CDC27: variants seen among roughly 807,000 people sequenced by gnomAD.
CDC27 encodes the protein cell division cycle protein 27 homolog.
A neutral mutation model predicts 109.7 loss-of-function variants in CDC27; 27 were observed. The ratio of observed to expected loss-of-function variants is 0.25; its 90% CI spans 0.18 to 0.34. The LOEUF is 0.34. Among genes scored for constraint, CDC27 ranks in the 10% least tolerant of loss-of-function variants. The pLI, the probability that CDC27 is intolerant of heterozygous loss-of-function variation, is 1.00. For missense variants in CDC27, 579 were observed against 960.2 expected (o/e 0.60, Z 5.25); for synonymous variants, 266 against 333.9 (o/e 0.80, Z 2.22).
intron 9 of CDC27, among the ~76,000 whole-genome samples, chr17:47,148,663 G>A (rs1348185943): frequency 1.3e-5 from 2 of 152,092 alleles, no homozygotes; most frequent in African/African-American, 4.8e-5. Context: ...ACAAAACCTT[G>A]AAACAGAGAA....
At chr17:47,148,557 A>G (rs947785863) in intron 9 of CDC27, among the ~76,000 whole-genome samples, 1 of 152,176 alleles carries the variant, frequency 6.6e-6, no homozygotes, top group Non-Finnish European at 1.5e-5. Context: ...CTATAAACCC[A>G]CAGATCCAAG....
intron 9 of CDC27, among the ~76,000 whole-genome samples, chr17:47,144,438 A>G (rs2062892491): frequency 6.6e-6 from 1 of 152,226 alleles, no homozygotes; most frequent in South Asian, 2.1e-4. Context: ...TTGCAACTAC[A>G]ACAAGTTAGA....
At chr17:47,151,985 C>A in intron 8 of CDC27, 67 bp from the exon 9 acceptor site, 2 of 1,435,628 alleles carry the variant, frequency 1.4e-6, no homozygotes, top group Non-Finnish European at 1.9e-6. Context: ...AAAGACAACA[C>A]AACGCTCCCA....
chr17:47,132,971 G>A (rs2062399852), intron 14 of CDC27, among the ~76,000 whole-genome samples: 1 of 109,066 alleles, frequency 9.2e-6, no homozygotes, highest in African/African-American at 3.6e-5. Flanking sequence ...ATGGGGTTTT[G>A]CCATGTTGCC....
At chr17:47,159,842 AG>A in intron 4 of CDC27, 1 of 468,018 alleles carries the variant, frequency 2.1e-6, no homozygotes, top group East Asian at 5.9e-5. Flanking sequence ...GATCTCCTCC[AG>A]GGACTTGATC....
chr17:47,142,541 A>C, intron 10 of CDC27, 105 bp from the exon 11 acceptor site: 1 of 520,730 alleles, frequency 1.9e-6, no homozygotes, highest in Non-Finnish European at 3.4e-6. Context: ...AATCTTGATT[A>C]ATTCTATATT....
chr17:47,175,636 C>T (rs1186230310), intron 2 of CDC27, among the ~76,000 whole-genome samples: 3 of 151,998 alleles, frequency 2.0e-5, no homozygotes, highest in Non-Finnish European at 4.4e-5. Context: ...GCCAACATGG[C>T]GAAACCCCAT....
intron 1 of CDC27, among the ~76,000 whole-genome samples, chr17:47,188,264 C>G (rs2064525088): frequency 1.3e-5 from 2 of 152,082 alleles, no homozygotes; most frequent in South Asian, 4.2e-4. Context: ...CAGACCTGGT[C>G]CATTACCAAG....
chr17:47,166,205 A>T (rs2063641362), intron 4 of CDC27, among the ~76,000 whole-genome samples: 1 of 152,172 alleles, frequency 6.6e-6, no homozygotes, highest in African/African-American at 2.4e-5. Context: ...TCATGAGTAG[A>T]GGAGTATTTC....
At chr17:47,138,550 C>T (rs2062693215) in intron 13 of CDC27, among the ~76,000 whole-genome samples, 189 bp downstream of exon 13, 1 of 152,106 alleles carries the variant, frequency 6.6e-6, no homozygotes, top group South Asian at 2.1e-4. Context: ...TGTGATTTTT[C>T]TATTTGTGAA....
At chr17:47,174,032 T>C (rs1322628268) in intron 2 of CDC27, among the ~76,000 whole-genome samples, 3 of 152,260 alleles carry the variant, frequency 2.0e-5, no homozygotes, top group Non-Finnish European at 2.9e-5. Context: ...AGGCAGAGAC[T>C]GCAGTGAGCC....
chr17:47,173,512 T>C (rs766631334), intron 2 of CDC27, among the ~76,000 whole-genome samples: 2 of 152,336 alleles, frequency 1.3e-5, no homozygotes, highest in African/African-American at 4.8e-5. Flanking sequence ...TTTCACCTTA[T>C]AAGTTTTTAA....
At chr17:47,135,164 C>T (rs35845296) in intron 14 of CDC27, among the ~76,000 whole-genome samples, 1,763 of 152,118 alleles carry the variant, frequency 0.012, 36 homozygotes, top group African/African-American at 0.04. Context: ...CAATGCTATT[C>T]CCACATTTCT....
At chr17:47,126,724 T>C (rs1402375624) in intron 16 of CDC27, among the ~76,000 whole-genome samples, 2 of 152,208 alleles carry the variant, frequency 1.3e-5, no homozygotes, top group African/African-American at 4.8e-5. Context: ...CAAATACTGA[T>C]TTGCAATTAT....
chr17:47,189,131 G>A lies in CDC27; in HGVS notation c.27+15C>T, dbSNP rs1343057097. 1.2e-6 allele frequency: 2 copies of A among 1,612,812 alleles called. No individual in the cohort carries two copies. Among genetic ancestry groups the A allele is most frequent in the South Asian group, 1.1e-5 (1 of 91,062 alleles). On this transcript the variant is annotated intron_variant, in intron 1 of 18. Coordinates refer to ENST00000066544, the MANE Select transcript of CDC27 (RefSeq NM_001256.6). ...AGGCTGCCAGCCAAGCCCCAGAGAA[G>A]AAGGTTATCATTACCTGGACGGGTT...
At chr17:47,164,219 G>A (rs1044845246) in intron 4 of CDC27, among the ~76,000 whole-genome samples, 2 of 152,072 alleles carry the variant, frequency 1.3e-5, no homozygotes, top group African/African-American at 2.4e-5. Context: ...ATATAGCCTA[G>A]GTGTGTAGTA....
At position 47,147,082 on chromosome 17, in the gene CDC27, T is replaced by C. The variant is rs1216008786; in HGVS notation, c.1071-3100A>G. On this transcript the variant is annotated intron_variant, in intron 9 of 18. Transcript: ENST00000066544. Reference sequence around the variant, plus strand: ...CCTGTCTCAAAGAAAAAAAGTAAAATTTATAATAACTGACATCCAATTAAA... The same window carrying C: ...CCTGTCTCAAAGAAAAAAAGTAAAACTTATAATAACTGACATCCAATTAAA... Among the ~76,000 whole-genome samples the C allele has an allele frequency of 4.0e-5, 6 of 151,826 alleles. No individual in the cohort carries two copies. The East Asian group carries it at 1.2e-3, about 29-fold the overall frequency.
At chr17:47,176,753 T>G (rs755934908) in intron 2 of CDC27, among the ~76,000 whole-genome samples, 2 of 152,170 alleles carry the variant, frequency 1.3e-5, no homozygotes, top group African/African-American at 4.8e-5. Context: ...TAGGTTAGAT[T>G]TGAATATATT....
rs1182718984 is a variant in CDC27, at chr17:47,118,320, A to G, written c.*2615T>C. 6.6e-6 allele frequency: 1 copy of G among 152,474 alleles called. No individual in the cohort carries two copies. The highest frequency in any genetic ancestry group is 1.5e-5 in the Non-Finnish European group (1 of 68,022). 9.4% of individuals were successfully genotyped at this position (152,474 alleles called of 1,614,324 possible). Reference sequence around the variant, plus strand: ...AGTTCTCGGAAAAATTAAAAATTTTAAGTGATGAATACAGAAAATGTAGGG... The same window carrying G: ...AGTTCTCGGAAAAATTAAAAATTTTGAGTGATGAATACAGAAAATGTAGGG... On this transcript the variant is annotated 3_prime_UTR_variant, in exon 19 of 19. Coordinates refer to ENST00000066544, the MANE Select transcript of CDC27 (RefSeq NM_001256.6).
Sources: allele counts gnomAD v4.1 joint callset (sites outside exome capture counted in the v4.1 genomes callset), GRCh38; gene constraint gnomAD v4.1.1; transcripts MANE v1.5; gene names NCBI Gene and HGNC (gene_info 2026-07-23, HGNC 2026-07-21).